The following MEGF9 variants were observed in gnomAD, a reference collection of about 807,000 sequenced individuals.
MEGF9 encodes the protein multiple epidermal growth factor-like domains protein 9.
In MEGF9, 6 loss-of-function variants were observed where a neutral mutation model predicts 46.8. That is an observed-to-expected ratio of 0.13 (90% CI 0.07 to 0.25). MEGF9 has a LOEUF of 0.25. Among genes scored for constraint, MEGF9 ranks in the 10% least tolerant of loss-of-function variants. The pLI is 1.00. For synonymous variants in MEGF9, 302 were observed against 330.7 expected (o/e 0.91, Z 0.94); for missense variants, 683 against 792.4 (o/e 0.86, Z 1.66).
chr9:120,637,004 G>C (rs1352178516), intron 2 of MEGF9, among the ~76,000 whole-genome samples: 2 of 152,226 alleles, frequency 1.3e-5, no homozygotes, highest in African/African-American at 2.4e-5. Context: ...AGGGTGAAAT[G>C]TGGGGAAAAG....
chr9:120,644,111 T>G (rs1268841573), intron 2 of MEGF9, among the ~76,000 whole-genome samples: 1 of 152,230 alleles, frequency 6.6e-6, no homozygotes, highest in African/African-American at 2.4e-5. Flanking sequence ...CCCTAATTTT[T>G]CTACCAGTAT....
intron 1 of MEGF9, among the ~76,000 whole-genome samples, chr9:120,688,859 G>T (rs77875894): frequency 0.024 from 3,599 of 152,252 alleles, 153 homozygotes; most frequent in African/African-American, 0.083. Context: ...AGTATGAATA[G>T]AAGATAGAAA....
intron 1 of MEGF9, among the ~76,000 whole-genome samples, chr9:120,690,545 T>A (rs1240796971): frequency 6.6e-6 from 1 of 152,174 alleles, no homozygotes; most frequent in Non-Finnish European, 1.5e-5. Flanking sequence ...TTTTTATTTA[T>A]TTCATTCAAA....
At chr9:120,713,559 C>G (rs756377409) in intron 1 of MEGF9, among the ~76,000 whole-genome samples, 199 bp downstream of exon 1, 1 of 152,156 alleles carries the variant, frequency 6.6e-6, no homozygotes, top group Non-Finnish European at 1.5e-5. Flanking sequence ...CGAGGGAGCA[C>G]AGCCCACGGG....
Position 120,603,267 on chromosome 9 carries a change from G to C in MEGF9, c.*1923C>G, listed in dbSNP as rs1463520665. ...ACAATTACTTCCTCAGGGGGCTATGGTGTGGAAGAGAGGACACACATATGG... is the reference window on the plus strand; with the variant it reads ...ACAATTACTTCCTCAGGGGGCTATGCTGTGGAAGAGAGGACACACATATGG... On this transcript the variant is annotated 3_prime_UTR_variant, in exon 6 of 6. Transcript: ENST00000373930. 3 of 152,170 alleles carry C rather than the reference G, an allele frequency of 2.0e-5. No homozygotes were observed. Among genetic ancestry groups the C allele is most frequent in the African/African-American group, 7.2e-5 (3 of 41,414 alleles). 9.4% of individuals were successfully genotyped at this position (152,170 alleles called of 1,614,324 possible). A position where few individuals can be genotyped will look rare whatever the true frequency, so the allele number is the denominator to read the frequency against.
At chr9:120,651,016 A>T (rs1171873182) in intron 2 of MEGF9, among the ~76,000 whole-genome samples, 1 of 152,230 alleles carries the variant, frequency 6.6e-6, no homozygotes, top group Non-Finnish European at 1.5e-5. Context: ...TGTGTTTCAT[A>T]GTTTTGCACA....
chr9:120,661,629 T>C (rs1043129729), intron 1 of MEGF9, among the ~76,000 whole-genome samples: 1 of 152,262 alleles, frequency 6.6e-6, no homozygotes, highest in Non-Finnish European at 1.5e-5. Context: ...TTCACATTTC[T>C]TCAGCCTCAA....
At chr9:120,683,637 C>A (rs550566663) in intron 1 of MEGF9, among the ~76,000 whole-genome samples, 21 of 152,334 alleles carry the variant, frequency 1.4e-4, no homozygotes, top group Admixed American at 2.0e-4. Context: ...AACCTCATTT[C>A]TTTATAAATT....
chr9:120,623,640 A>G lies in MEGF9; in HGVS notation c.804-885T>C, dbSNP rs2043511476. ...GAATCTTAAGTAATTTAGTAAAGAA[A>G]AAAGAAAAGAAGCCACACACATATA... On this transcript the variant is annotated intron_variant, in intron 2 of 5. Transcript: ENST00000373930. 2.6e-5 allele frequency among the ~76,000 whole-genome samples: 4 copies of G among 152,236 alleles called. No individual in the cohort carries two copies. The South Asian group carries it at 8.3e-4, about 31-fold the overall frequency.
chr9:120,625,275 T>C (rs2043519098), intron 2 of MEGF9, among the ~76,000 whole-genome samples: 1 of 152,070 alleles, frequency 6.6e-6, no homozygotes. Flanking sequence ...ACAGAAAGAG[T>C]AATTCATGCA....
rs1242141166 is a variant in MEGF9, at chr9:120,652,297, G to A, written c.803+7077C>T. ...GCCCAGGAGTTGAAGACCAACCTGG[G>A]CAACATGGTAAAACCCTGTCTCTAC... On this transcript the variant is annotated intron_variant, in intron 2 of 5. Transcript: ENST00000373930. Among the ~76,000 whole-genome samples, 3 of 150,046 alleles carry A rather than the reference G, an allele frequency of 2.0e-5. No homozygotes were observed. The East Asian group carries it at 5.9e-4, about 30-fold the overall frequency.
intron 4 of MEGF9, among the ~76,000 whole-genome samples, chr9:120,609,266 G>A (rs1232929984): frequency 6.6e-6 from 1 of 150,838 alleles, no homozygotes; most frequent in Non-Finnish European, 1.5e-5. Context: ...CTGAGGTTTT[G>A]TACATACTAC....
chr9:120,676,363 T>C (rs184173528), intron 1 of MEGF9, among the ~76,000 whole-genome samples: 1 of 152,360 alleles, frequency 6.6e-6, no homozygotes, highest in East Asian at 1.9e-4. Context: ...TTAAAAAATA[T>C]GTATATGAGT....
chr9:120,647,391 G>A (rs1230893102), intron 2 of MEGF9, among the ~76,000 whole-genome samples: 3 of 152,080 alleles, frequency 2.0e-5, no homozygotes, highest in Admixed American at 1.3e-4. Flanking sequence ...GTTTTTCCAT[G>A]AACTTAACAT....
chr9:120,607,901 C>G lies in MEGF9; in HGVS notation c.1197G>C (p.Lys399Asn). 1.9e-6 allele frequency: 3 copies of G among 1,614,026 alleles called. No individual in the cohort carries two copies. Among genetic ancestry groups the G allele is most frequent in the Non-Finnish European group, 2.5e-6 (3 of 1,179,896 alleles). Residue 399 changes from lysine to asparagine, a missense_variant, in exon 5 of 6, where the codon AAG (lysine) becomes AAC (asparagine). Coordinates refer to ENST00000373930, the MANE Select transcript of MEGF9 (RefSeq NM_001080497.3). ...GYYNFDSICR[K>N]CQCHGHVDPV... ...GGTCCACATGGCCGTGACATTGGCA[C>G]TTTCTACAGATGCTGTCAAAATTGT...
At chr9:120,674,143 G>A (rs2043762681) in intron 1 of MEGF9, among the ~76,000 whole-genome samples, 1 of 152,102 alleles carries the variant, frequency 6.6e-6, no homozygotes, top group South Asian at 2.1e-4. Flanking sequence ...AAATGTATAA[G>A]TTGGACTTTA....
At chr9:120,658,367 T>C (rs2043686990) in intron 2 of MEGF9, among the ~76,000 whole-genome samples, 2 of 152,244 alleles carry the variant, frequency 1.3e-5, no homozygotes, top group South Asian at 4.1e-4. Context: ...TTTAAAATAT[T>C]TAGTGCTAAA....
At chr9:120,641,459 G>A (rs1305338670) in intron 2 of MEGF9, among the ~76,000 whole-genome samples, 2 of 152,142 alleles carry the variant, frequency 1.3e-5, no homozygotes, top group African/African-American at 4.8e-5. Flanking sequence ...AAAGAATAGA[G>A]GTTGAAATGC....
intron 1 of MEGF9, among the ~76,000 whole-genome samples, chr9:120,674,210 T>C (rs552907903): frequency 1.5e-4 from 23 of 152,228 alleles, no homozygotes; most frequent in African/African-American, 5.3e-4. Context: ...AACACAGCCA[T>C]AGACTGGGAG....
Sources: allele counts gnomAD v4.1 joint callset (sites outside exome capture counted in the v4.1 genomes callset), GRCh38; gene constraint gnomAD v4.1.1; transcripts MANE v1.5; gene names NCBI Gene and HGNC (gene_info 2026-07-23, HGNC 2026-07-21).